SASH1: variants seen among roughly 807,000 people sequenced by gnomAD.
The protein encoded by SASH1 is SAM and SH3 domain containing 1.
Under a neutral mutation model 125.2 loss-of-function variants are expected in SASH1, and 44 were observed. The ratio of observed to expected loss-of-function variants is 0.35; its 90% CI spans 0.28 to 0.45. The LOEUF (loss-of-function observed/expected upper bound fraction) is 0.45. Ranked by LOEUF, SASH1 falls within the 20% of genes least tolerant of loss-of-function variation. The pLI, the probability that SASH1 is intolerant of heterozygous loss-of-function variation, is 1.00. For missense variants in SASH1, 1,426 were observed against 1,614.5 expected (o/e 0.88, Z 2.00); for synonymous variants, 639 against 649.1 (o/e 0.98, Z 0.24).
intron 2 of SASH1, among the ~76,000 whole-genome samples, chr6:148,437,957 C>CA (rs977771445): frequency 6.6e-6 from 1 of 151,890 alleles, no homozygotes; most frequent in East Asian, 1.9e-4. Context: ...AAAATCTATT[C>CA]AAAAAAATGC....
At chr6:148,229,139 A>AC in the SASH1 span, among the ~76,000 whole-genome samples, 7 of 117,754 alleles carry the variant, frequency 5.9e-5, no homozygotes, top group African/African-American at 2.1e-4. Context: ...ATCTCAAAAA[A>AC]AAAAAAAAAA....
intron 1 of SASH1, among the ~76,000 whole-genome samples, chr6:148,308,544 C>T (rs13204461): frequency 0.26 from 39,215 of 150,916 alleles, 5,273 homozygotes; most frequent in South Asian, 0.34. Flanking sequence ...TACAGGCATG[C>T]GCCACCATGC....
rs1029131465 is a variant in SASH1, at chr6:148,533,164, G to T, written c.1734+198G>T. On this transcript the variant is annotated intron_variant, in intron 14 of 19. Transcript: ENST00000367467. This position sits in a 1 kb window ranked among gnomAD's most constrained non-coding sequence, Gnocchi z 6.2. ...GCCCTCGAGGCAGAGGGAGGGTCTCGTGTTAATCCCTGGGTTAGCATCACT... is the reference window on the plus strand; with the variant it reads ...GCCCTCGAGGCAGAGGGAGGGTCTCTTGTTAATCCCTGGGTTAGCATCACT... 6.6e-6 allele frequency among the ~76,000 whole-genome samples: 1 copy of T among 152,118 alleles called. No individual in the cohort carries two copies. Among genetic ancestry groups the T allele is most frequent in the Non-Finnish European group, 1.5e-5 (1 of 68,020 alleles).
rs1368050034 is a variant in SASH1 at position 148,550,471 on chromosome 6, A to AT, written c.*1920dup. 2 of 152,160 alleles carry AT rather than the reference A, an allele frequency of 1.3e-5. No homozygotes were observed. The highest frequency in any genetic ancestry group is 2.4e-5 in the African/African-American group (1 of 41,438). 9.4% of individuals were successfully genotyped at this position (152,160 alleles called of 1,614,324 possible). A position where few individuals can be genotyped will look rare whatever the true frequency, so the allele number is the denominator to read the frequency against. On this transcript the variant is annotated 3_prime_UTR_variant, in exon 20 of 20. Transcript: ENST00000367467. ...GGAAAAAGACATTCTCAGGTGATGTATTTTTTTCATGCATTAGTATGCATT... is the reference window on the plus strand; with the variant it reads ...GGAAAAAGACATTCTCAGGTGATGTATTTTTTTTCATGCATTAGTATGCATT...
chr6:148,546,242 C>T (rs534352259), intron 19 of SASH1, 96 bp downstream of exon 19: 297 of 1,422,058 alleles, frequency 2.1e-4, no homozygotes, highest in Admixed American at 3.2e-4. Flanking sequence ...CAAGGGCTTG[C>T]GTAGCTATGG....
intron 1 of SASH1, among the ~76,000 whole-genome samples, chr6:148,383,505 C>T (rs1013182587): frequency 2.6e-5 from 4 of 152,158 alleles, no homozygotes; most frequent in African/African-American, 9.7e-5. Flanking sequence ...TAGAGCAACA[C>T]ACATGAGTTT....
At chr6:148,210,721 A>G in the SASH1 span, among the ~76,000 whole-genome samples, 852 of 152,304 alleles carry the variant, frequency 5.6e-3, 9 homozygotes, top group African/African-American at 0.019. Context: ...CTTGAGGTCT[A>G]CAAAGCCTTT....
chr6:148,310,424 GAAAA>G (rs5880770), intron 1 of SASH1, among the ~76,000 whole-genome samples: 18,250 of 141,266 alleles, frequency 0.13, 1,288 homozygotes, highest in African/African-American at 0.2. Context: ...ATCCATATGT[GAAAA>G]AAAAAAAAAA....
chr6:148,413,800 G>A (rs933441068), intron 2 of SASH1, among the ~76,000 whole-genome samples: 3 of 151,844 alleles, frequency 2.0e-5, no homozygotes, highest in Admixed American at 6.6e-5. Context: ...TTCCTTCTCC[G>A]GGCCTCTCCT....
rs1420700312 is a variant in SASH1 at position 148,508,592 on chromosome 6, TTGCGAGTTA to T, written c.730-5728_730-5720del. The T allele has an allele frequency of 2.6e-6, 3 of 1,135,316 alleles. No homozygotes were observed. In the African/African-American group the frequency reaches 4.9e-5, roughly 18 times the overall value. The allele number at this position is 1,135,316 out of a possible 1,614,324, so 70.3% of individuals were successfully genotyped here. On this transcript the variant is annotated intron_variant, in intron 8 of 19. Coordinates refer to ENST00000367467, the MANE Select transcript of SASH1 (RefSeq NM_015278.5). ...TTAGAGCTGATGACTTATGCCTTTC[TTGCGAGTTA>T]TGCAGTTAGCAAGCGACTGGGGAAT...
At chr6:148,381,786 G>A (rs1051471987) in intron 1 of SASH1, among the ~76,000 whole-genome samples, 1 of 151,340 alleles carries the variant, frequency 6.6e-6, no homozygotes, top group Non-Finnish European at 1.5e-5. Flanking sequence ...GCACCACCAC[G>A]CCCAGCTAAG....
intron 7 of SASH1, among the ~76,000 whole-genome samples, chr6:148,481,561 C>A (rs570222266): frequency 1.3e-5 from 2 of 151,954 alleles, no homozygotes; most frequent in South Asian, 4.2e-4. Context: ...GGCACAGAGG[C>A]GATTGCAGGG....
intron 1 of SASH1, among the ~76,000 whole-genome samples, chr6:148,360,347 GTT>G (rs1191557477): frequency 6.4e-5 from 8 of 125,708 alleles, no homozygotes; most frequent in African/African-American, 1.5e-4. Context: ...TAATGCCTTT[GTT>G]TTTTTTTTTT....
the SASH1 span, among the ~76,000 whole-genome samples, chr6:148,259,768 C>A: frequency 6.6e-6 from 1 of 152,162 alleles, no homozygotes; most frequent in East Asian, 1.9e-4. Flanking sequence ...CAGATGGTAC[C>A]CCTTATACTA....
intron 1 of SASH1, among the ~76,000 whole-genome samples, chr6:148,363,007 G>T (rs1222497149): frequency 1.3e-5 from 2 of 152,230 alleles, no homozygotes; most frequent in African/African-American, 4.8e-5. Context: ...TTGTAGTGCA[G>T]CATAGAAGTC....
rs374283095 is a variant in SASH1, at chr6:148,547,090, TTTTTC to T, written c.3480+952_3480+956del. ...TCTTAGGAACCTCAGCATACAATTT[TTTTTC>T]TTTTCTTATTAAGTCAAGAACTCTC... is the stretch of plus-strand genomic sequence containing the variant. On this transcript the variant is annotated intron_variant, in intron 19 of 19. Transcript: ENST00000367467. Among the ~76,000 whole-genome samples the T allele has an allele frequency of 4.3e-3, 660 of 152,302 alleles. 2 individuals are homozygous for T. The highest frequency in any genetic ancestry group is 0.015 in the African/African-American group (610 of 41,558).
intron 2 of SASH1, among the ~76,000 whole-genome samples, chr6:148,439,319 C>T (rs758354107): frequency 3.3e-5 from 5 of 152,220 alleles, no homozygotes; most frequent in South Asian, 2.1e-4. Context: ...CTCGATACCG[C>T]GCGAGTGTTT....
At chr6:148,256,512 T>C in the SASH1 span, among the ~76,000 whole-genome samples, 1 of 152,224 alleles carries the variant, frequency 6.6e-6, no homozygotes, top group African/African-American at 2.4e-5. Context: ...TGTAGTACAA[T>C]GTTAAGCTAC....
intron 16 of SASH1, among the ~76,000 whole-genome samples, chr6:148,540,235 C>G (rs746910936): frequency 1.3e-5 from 2 of 152,212 alleles, no homozygotes; most frequent in Non-Finnish European, 2.9e-5. Flanking sequence ...ACTGTGTGCT[C>G]TCTCCAAACT....
Sources: allele counts gnomAD v4.1 joint callset (sites outside exome capture counted in the v4.1 genomes callset), GRCh38; gene constraint gnomAD v4.1.1; non-coding constraint Gnocchi (gnomAD v3.1); transcripts MANE v1.5; gene names NCBI Gene and HGNC (gene_info 2026-07-23, HGNC 2026-07-21).